The following SCFD2 variants were observed in gnomAD, a reference collection of about 807,000 sequenced individuals.
The protein encoded by SCFD2 is sec1 family domain-containing protein 2.
Under a neutral mutation model 58.9 loss-of-function variants are expected in SCFD2, and 54 were observed. The ratio of observed to expected loss-of-function variants is 0.92; its 90% CI spans 0.74 to 1.15. The LOEUF (loss-of-function observed/expected upper bound fraction) is 1.15, where lower values mean the gene tolerates loss of function less well. Ranked by LOEUF, SCFD2 falls within the 50% of genes most tolerant of loss-of-function variation. The pLI is 0.00. For missense variants in SCFD2, 805 were observed against 836.6 expected (o/e 0.96, Z 0.47); for synonymous variants, 321 against 335.9 (o/e 0.96, Z 0.49).
intron 5 of SCFD2, among the ~76,000 whole-genome samples, chr4:53,115,861 G>A (rs1377827934): frequency 6.6e-6 from 1 of 152,156 alleles, no homozygotes; most frequent in Non-Finnish European, 1.5e-5. Context: ...ATAAAATGCT[G>A]CAGAAATGTT....
At chr4:52,965,824 G>C (rs1332118052) in intron 5 of SCFD2, among the ~76,000 whole-genome samples, 1 of 152,216 alleles carries the variant, frequency 6.6e-6, no homozygotes, top group Non-Finnish European at 1.5e-5. Context: ...ATAATAGGAA[G>C]ATCATGGTTG....
At chr4:53,087,631 C>T (rs1225491084) in intron 5 of SCFD2, among the ~76,000 whole-genome samples, 2 of 151,414 alleles carry the variant, frequency 1.3e-5, no homozygotes, top group African/African-American at 2.4e-5. Context: ...CTGTGCCTGG[C>T]CAAAGCTATT....
chr4:53,290,769 A>T (rs1284784073), intron 3 of SCFD2, among the ~76,000 whole-genome samples: 4 of 152,122 alleles, frequency 2.6e-5, no homozygotes, highest in Non-Finnish European at 5.9e-5. Context: ...AAGTAGAGAC[A>T]TTACTACAGA....
chr4:53,305,270 T>A lies in SCFD2; in HGVS notation c.1135+8366A>T, dbSNP rs566483696. 5.3e-5 allele frequency among the ~76,000 whole-genome samples: 8 copies of A among 152,362 alleles called. No homozygotes were observed. In the East Asian group the frequency reaches 1.5e-3, roughly 29 times the overall value. The stretch of plus-strand genomic sequence containing the variant: ...CCTATGTTCTCTTCTAAGAGTGTTA[T>A]GGTTTCACATCTTACATTTAGGTCT... On this transcript the variant is annotated intron_variant, in intron 3 of 8. Coordinates refer to ENST00000401642, the MANE Select transcript of SCFD2 (RefSeq NM_152540.4).
At chr4:53,047,841 A>C (rs1258244933) in intron 5 of SCFD2, among the ~76,000 whole-genome samples, 2 of 152,146 alleles carry the variant, frequency 1.3e-5, no homozygotes, top group Non-Finnish European at 2.9e-5. Flanking sequence ...CCAGTAGGTA[A>C]CCTTCTGGAC....
intron 7 of SCFD2, among the ~76,000 whole-genome samples, chr4:52,899,245 C>T (rs563359941): frequency 1.2e-4 from 19 of 152,260 alleles, no homozygotes; most frequent in East Asian, 9.6e-4. Context: ...TTCCTAGCCT[C>T]GATAGTCTTT....
At chr4:53,028,797 G>GT (rs1004703574) in intron 5 of SCFD2, among the ~76,000 whole-genome samples, 5 of 152,258 alleles carry the variant, frequency 3.3e-5, no homozygotes, top group Non-Finnish European at 7.4e-5. Flanking sequence ...GCCAAACTAA[G>GT]TTTTTTTCTC....
chr4:53,214,170 C>G (rs1391967605), intron 4 of SCFD2, among the ~76,000 whole-genome samples: 4 of 152,084 alleles, frequency 2.6e-5, no homozygotes, highest in Non-Finnish European at 5.9e-5. Context: ...GGTATATACC[C>G]AGTAATGGGA....
Position 53,165,459 on chromosome 4 carries a change from T to A in SCFD2, c.1312-19877A>T, listed in dbSNP as rs1339530899. 5.3e-5 allele frequency among the ~76,000 whole-genome samples: 8 copies of A among 152,204 alleles called. No homozygotes were observed. In the South Asian group the frequency reaches 1.7e-3, roughly 32 times the overall value. On this transcript the variant is annotated intron_variant, in intron 4 of 8. Coordinates refer to ENST00000401642, the MANE Select transcript of SCFD2 (RefSeq NM_152540.4). ...ATGGAGCTGTAATCTCAGAGATCCA[T>A]GGCATGCAATGGAATCTCCACTCCT...
chr4:52,999,522 T>A (rs1560506045), intron 5 of SCFD2, among the ~76,000 whole-genome samples: 1 of 152,030 alleles, frequency 6.6e-6, no homozygotes, highest in Admixed American at 6.5e-5. Flanking sequence ...TGATGAAAAA[T>A]TTGTAAAAAC....
chr4:52,925,102 C>T (rs567261271), intron 5 of SCFD2, among the ~76,000 whole-genome samples: 1 of 152,132 alleles, frequency 6.6e-6, no homozygotes, highest in African/African-American at 2.4e-5. Flanking sequence ...TCTCATTTTG[C>T]AGATGGAGAA....
At chr4:52,995,568 G>T (rs1369707107) in intron 5 of SCFD2, among the ~76,000 whole-genome samples, 2 of 152,182 alleles carry the variant, frequency 1.3e-5, no homozygotes, top group African/African-American at 2.4e-5. Flanking sequence ...GCCTGGTCTG[G>T]GTAAGAGAAA....
chr4:53,051,979 C>A (rs1723201141), intron 5 of SCFD2, among the ~76,000 whole-genome samples: 1 of 152,162 alleles, frequency 6.6e-6, no homozygotes, highest in African/African-American at 2.4e-5. Context: ...AGAGCCCAAA[C>A]CTACAGGTCA....
rs536777136 is a variant in SCFD2 at position 53,365,661 on chromosome 4, C to T, written c.281G>A (p.Cys94Tyr). 1.7e-5 allele frequency: 28 copies of T among 1,614,234 alleles called. No homozygotes were observed. The African/African-American group carries it at 3.2e-4, about 18-fold the overall frequency. ...CACACAATACTGGAAGTGACTGCGG[C>T]AGATGATGTCCCGTAGGATCTCCAC... Reference protein sequence around the residue: ...RTVEILRDIICRSHFQYCVVV... With the variant: ...RTVEILRDIIYRSHFQYCVVV... Residue 94 changes from cysteine (C) to tyrosine (Y), a missense_variant, in exon 1 of 9, where the codon TGC becomes TAC. This residue lies in a region of SCFD2 where 155 missense variants were observed against 149.7 expected (regional missense o/e 1.04). Transcript: ENST00000401642. The surrounding 1 kb of genome is among the most constrained non-coding windows in gnomAD (Gnocchi z 4.3).
intron 4 of SCFD2, among the ~76,000 whole-genome samples, chr4:53,238,612 C>G (rs1011236931): frequency 1.3e-5 from 2 of 151,582 alleles, no homozygotes; most frequent in Non-Finnish European, 2.9e-5. Flanking sequence ...GACGGGGCGG[C>G]TGCCAGGCGG....
chr4:53,238,498 G>A (rs1045943856), intron 4 of SCFD2, among the ~76,000 whole-genome samples: 7 of 151,486 alleles, frequency 4.6e-5, no homozygotes, highest in Admixed American at 6.6e-5. Context: ...TGGGGCGGGG[G>A]CTGACCCCCC....
intron 5 of SCFD2, among the ~76,000 whole-genome samples, chr4:52,964,746 T>C (rs1720923622): frequency 6.6e-6 from 1 of 150,942 alleles, no homozygotes; most frequent in Non-Finnish European, 1.5e-5. Context: ...CTTGAATCTT[T>C]TGGTCTCAAA....
intron 5 of SCFD2, chr4:52,949,506 A>T (rs938750182): frequency 1.3e-5 from 2 of 152,014 alleles, no homozygotes; most frequent in African/African-American, 2.4e-5. Context: ...TTCATTTTTG[A>T]CTTAACCAAC....
intron 7 of SCFD2, 122 bp from the exon 8 acceptor site, chr4:52,885,988 G>T (rs1405576840): frequency 1.6e-6 from 2 of 1,263,462 alleles, no homozygotes; most frequent in Non-Finnish European, 2.2e-6. Flanking sequence ...GTGGCAGGAG[G>T]CAGACAAATC....
Sources: allele counts gnomAD v4.1 joint callset (sites outside exome capture counted in the v4.1 genomes callset), GRCh38; gene constraint gnomAD v4.1.1; regional missense constraint gnomAD v4.1.1; non-coding constraint Gnocchi (gnomAD v3.1); transcripts MANE v1.5; gene names NCBI Gene and HGNC (gene_info 2026-07-23, HGNC 2026-07-21).